PDE4DIP: variants seen among roughly 807,000 people sequenced by gnomAD.
The protein encoded by PDE4DIP is phosphodiesterase 4D interacting protein.
PDE4DIP carries 59 observed loss-of-function variants against 221.4 expected under a neutral mutation model. That is an observed-to-expected ratio of 0.27 (90% CI 0.22 to 0.33). PDE4DIP has a LOEUF of 0.33. PDE4DIP is among the 10% of genes least tolerant of loss of function. The pLI is 1.00. For synonymous variants in PDE4DIP, 404 were observed against 815.9 expected (o/e 0.50, Z 8.60); for missense variants, 1,036 against 2,154.2 (o/e 0.48, Z 10.28).
At chr1:148,922,821 C>T (rs9424641) in intron 1 of PDE4DIP, among the ~76,000 whole-genome samples, 60 of 150,344 alleles carry the variant, frequency 4.0e-4, no homozygotes, top group East Asian at 8.2e-4. Context: ...TTCCTGACCT[C>T]GTGATCCGCC....
At chr1:148,946,430 CT>C (rs2051741533) in intron 5 of PDE4DIP, among the ~76,000 whole-genome samples, 1 of 135,698 alleles carries the variant, frequency 7.4e-6, no homozygotes, top group Admixed American at 7.4e-5. Context: ...ATCCCAGCTA[CT>C]CAGGAAGCTG....
At chr1:148,980,095 A>G (rs1468674155) in intron 20 of PDE4DIP, among the ~76,000 whole-genome samples, 2 of 152,260 alleles carry the variant, frequency 1.3e-5, no homozygotes, top group South Asian at 4.1e-4. Flanking sequence ...GAGATTAAAT[A>G]AGAAGACAGC....
At chr1:148,980,576 T>C (rs2060918734) in intron 20 of PDE4DIP, among the ~76,000 whole-genome samples, 1 of 152,226 alleles carries the variant, frequency 6.6e-6, no homozygotes, top group African/African-American at 2.4e-5. Context: ...GATCATTTTA[T>C]ATTCTCTTCA....
At chr1:148,978,085 A>G (rs374119176) in intron 18 of PDE4DIP, 32 bp downstream of exon 21, 3 of 1,587,118 alleles carry the variant, frequency 1.9e-6, no homozygotes, top group East Asian at 2.2e-5. Flanking sequence ...ACCACTGGAA[A>G]TGTTCACAGC....
At chr1:148,979,297 A>G (rs1402649367) in intron 19 of PDE4DIP, among the ~76,000 whole-genome samples, 1 of 152,208 alleles carries the variant, frequency 6.6e-6, no homozygotes, top group Non-Finnish European at 1.5e-5. Flanking sequence ...AATGACACAC[A>G]TCTATGATTA....
chr1:148,970,708 A>T (rs1355299415), intron 14 of PDE4DIP, among the ~76,000 whole-genome samples: 1 of 152,134 alleles, frequency 6.6e-6, no homozygotes, highest in Non-Finnish European at 1.5e-5. Context: ...AAAAACTCTT[A>T]AATACTACGA....
chr1:148,967,221 C>G (rs587646987), intron 12 of PDE4DIP, among the ~76,000 whole-genome samples: 2 of 151,798 alleles, frequency 1.3e-5, no homozygotes, highest in South Asian at 4.2e-4. Context: ...TTTCTGTTTA[C>G]ATAGTTCTGA....
At chr1:148,927,152 T>G (rs2046898141) in intron 1 of PDE4DIP, among the ~76,000 whole-genome samples, 1 of 151,706 alleles carries the variant, frequency 6.6e-6, no homozygotes, top group Non-Finnish European at 1.5e-5. Context: ...ATATTTTTAT[T>G]TGCTAAATCT....
intron 21 of PDE4DIP, among the ~76,000 whole-genome samples, chr1:148,988,230 A>G (rs587657491): frequency 3.3e-5 from 5 of 151,602 alleles, no homozygotes; most frequent in South Asian, 2.1e-4. Context: ...GTGGCCTTCA[A>G]CTTTCTCAGT....
intron 1 of PDE4DIP, among the ~76,000 whole-genome samples, chr1:148,821,189 C>T (rs112691154): frequency 2.0e-5 from 3 of 147,718 alleles, no homozygotes; most frequent in African/African-American, 7.7e-5. Flanking sequence ...CCAATCGGCC[C>T]CTTCTTGCTA....
intron 19 of PDE4DIP, among the ~76,000 whole-genome samples, chr1:148,978,996 C>T (rs1338279739): frequency 1.3e-5 from 2 of 150,704 alleles, no homozygotes; most frequent in East Asian, 4.0e-4. Context: ...GAATCTTTCT[C>T]TTTTATCTGC....
intron 1 of PDE4DIP, among the ~76,000 whole-genome samples, chr1:148,822,795 C>T (rs12041016): frequency 0.13 from 13,454 of 103,160 alleles, 237 homozygotes; most frequent in East Asian, 0.44. Context: ...TATATAATTA[C>T]ATGATTAATA....
intron 21 of PDE4DIP, chr1:148,981,712 TTATCCC>T: frequency 3.1e-6 from 1 of 324,520 alleles, no homozygotes; most frequent in East Asian, 6.7e-5. Flanking sequence ...TTATTCATTC[TTATCCC>T]TAGCCCCTTC....
At chr1:148,949,174 T>G (rs1343468) in intron 5 of PDE4DIP, among the ~76,000 whole-genome samples, 1 of 152,110 alleles carries the variant, frequency 6.6e-6, no homozygotes, top group Admixed American at 6.5e-5. Flanking sequence ...TTTTTATATA[T>G]TTAAGTACAA....
intron 21 of PDE4DIP, chr1:148,982,821 A>C (rs1412345521): frequency 6.6e-6 from 1 of 151,564 alleles, no homozygotes; most frequent in African/African-American, 2.4e-5. Flanking sequence ...ATGACACTTT[A>C]TTTCTTTCAC....
intron 20 of PDE4DIP, among the ~76,000 whole-genome samples, chr1:148,980,481 C>T (rs2060904356): frequency 6.6e-6 from 1 of 152,154 alleles, no homozygotes; most frequent in Non-Finnish European, 1.5e-5. Context: ...TGGCTAATAT[C>T]ATCCTGGGAC....
exon 33 of PDE4DIP, chr1:149,016,422 G>A (rs1207480853): frequency 8.7e-7 from 1 of 1,155,310 alleles, no homozygotes; most frequent in African/African-American, 1.6e-5. Flanking sequence ...ATAGAACTGG[G>A]AAGAATCCTA....
Position 148,952,848 on chromosome 1 carries a change from C to A in PDE4DIP, c.637-7806C>A, listed in dbSNP as rs150879481. On this transcript the variant is annotated intron_variant, in intron 5 of 43. Transcript: ENST00000369354. ...AACCAGCGGCGCTGGATCTTCCACA[C>A]GGCGTCCAAGCTCAATCTCCAGGTT... is the stretch of plus-strand genomic sequence containing the variant. 9.3e-6 allele frequency: 13 copies of A among 1,395,420 alleles called. No individual in the cohort carries two copies. The African/African-American group carries it at 1.6e-4, about 17-fold the overall frequency. The allele number at this position is 1,395,420 out of a possible 1,614,324, so 86.4% of individuals were successfully genotyped here.
At chr1:148,979,346 C>G (rs1198659570) in intron 19 of PDE4DIP, among the ~76,000 whole-genome samples, 9 of 152,140 alleles carry the variant, frequency 5.9e-5, no homozygotes, top group Non-Finnish European at 1.5e-5. Context: ...TAAGCTTTCC[C>G]CTAGAACCTA....
Sources: gnomAD v4.1 joint callset for allele counts (sites outside exome capture counted in the v4.1 genomes callset) on GRCh38, gnomAD v4.1.1 for gene constraint, MANE v1.5 for transcripts, NCBI Gene and HGNC (gene_info 2026-07-23, HGNC 2026-07-21) for gene names.